Variants in LRP1B observed in about 807,000 individuals in gnomAD.
The protein encoded by LRP1B is low-density lipoprotein receptor-related protein 1B.
In LRP1B, 217 loss-of-function variants were observed where a neutral mutation model predicts 556.6. The ratio of observed to expected loss-of-function variants is 0.39; its 90% CI spans 0.35 to 0.44. The LOEUF is 0.44. Ranked by LOEUF, LRP1B falls within the 20% of genes least tolerant of loss-of-function variation. LRP1B has a pLI of 1.00. For missense variants in LRP1B, 5,053 were observed against 5,620.8 expected (o/e 0.90, Z 3.23); for synonymous variants, 2,047 against 1,865.8 (o/e 1.10, Z -2.50).
chr2:141,306,023 T>G (rs957256950), intron 3 of LRP1B, among the ~76,000 whole-genome samples: 7 of 152,182 alleles, frequency 4.6e-5, no homozygotes, highest in African/African-American at 1.7e-4. Flanking sequence ...GTGTCTATGT[T>G]TTTTAGGAAT....
chr2:141,379,296 C>T (rs1415219566), intron 3 of LRP1B, among the ~76,000 whole-genome samples: 1 of 152,120 alleles, frequency 6.6e-6, no homozygotes, highest in Non-Finnish European at 1.5e-5. Flanking sequence ...GAAATTAAAA[C>T]ATCCCAAATA....
intron 6 of LRP1B, among the ~76,000 whole-genome samples, chr2:141,194,120 C>A (rs1173134278): frequency 6.6e-6 from 1 of 151,922 alleles, no homozygotes; most frequent in Non-Finnish European, 1.5e-5. Flanking sequence ...CTTTTTCTTT[C>A]ATCGACTGTA....
intron 2 of LRP1B, among the ~76,000 whole-genome samples, chr2:141,508,938 A>T (rs1684026057): frequency 6.6e-6 from 1 of 152,102 alleles, no homozygotes; most frequent in African/African-American, 2.4e-5. Context: ...AAATGGAATC[A>T]ACTTCCCCCT....
intron 1 of LRP1B, among the ~76,000 whole-genome samples, chr2:141,932,494 A>G (rs1334798132): frequency 6.6e-6 from 1 of 152,068 alleles, no homozygotes; most frequent in Non-Finnish European, 1.5e-5. Context: ...TACATTTTTC[A>G]TCAGACCTAT....
chr2:142,088,803 G>A (rs551819529), intron 1 of LRP1B, among the ~76,000 whole-genome samples: 167 of 151,590 alleles, frequency 1.1e-3, no homozygotes, highest in African/African-American at 3.7e-3. Flanking sequence ...GTGAAACCCC[G>A]TCTCTACTAA....
At chr2:141,895,590 G>T (rs182355028) in intron 1 of LRP1B, among the ~76,000 whole-genome samples, 2 of 152,206 alleles carry the variant, frequency 1.3e-5, no homozygotes, top group Non-Finnish European at 2.9e-5. Context: ...TTAAGCAAAG[G>T]GCTCACCATT....
chr2:141,861,001 C>T (rs1470130520), intron 1 of LRP1B, among the ~76,000 whole-genome samples: 1 of 152,142 alleles, frequency 6.6e-6, no homozygotes, highest in Non-Finnish European at 1.5e-5. Context: ...GTATATTGCA[C>T]AATTCTCTCT....
intron 29 of LRP1B, among the ~76,000 whole-genome samples, chr2:140,849,200 CAAAAAAAAAAAA>C (rs70988447): frequency 9.9e-6 from 1 of 100,552 alleles, no homozygotes; most frequent in African/African-American, 4.1e-5. Flanking sequence ...ACTAAAAATA[CAAAAAAAAAAAA>C]AAAAAAAAAA....
chr2:141,806,718 A>G (rs1379594811), intron 2 of LRP1B, among the ~76,000 whole-genome samples: 1 of 152,074 alleles, frequency 6.6e-6, no homozygotes, highest in Non-Finnish European at 1.5e-5. Context: ...ATTTCTAAGT[A>G]TCTAAATTTT....
chr2:140,589,593 T>C (rs887978230), intron 43 of LRP1B, among the ~76,000 whole-genome samples: 7 of 152,164 alleles, frequency 4.6e-5, no homozygotes, highest in Non-Finnish European at 1.0e-4. Flanking sequence ...ATTCATATCA[T>C]AGATACTACT....
chr2:140,475,716 T>A (rs1687948503), intron 59 of LRP1B, among the ~76,000 whole-genome samples: 1 of 151,840 alleles, frequency 6.6e-6, no homozygotes, highest in African/African-American at 2.4e-5. Context: ...TGGTGTGTTA[T>A]CTATGAAAAA....
intron 7 of LRP1B, among the ~76,000 whole-genome samples, chr2:141,070,943 C>G (rs1467797800): frequency 1.3e-5 from 2 of 152,118 alleles, no homozygotes; most frequent in Non-Finnish European, 2.9e-5. Context: ...GAAACTGGTA[C>G]CATTCCTTCT....
chr2:141,248,774 A>G (rs1317544303), intron 4 of LRP1B, among the ~76,000 whole-genome samples: 2 of 152,130 alleles, frequency 1.3e-5, no homozygotes, highest in Non-Finnish European at 2.9e-5. Flanking sequence ...AACTAAAAAC[A>G]CTCATATGAA....
chr2:140,758,289 T>C (rs1688805684), intron 35 of LRP1B, among the ~76,000 whole-genome samples: 1 of 152,012 alleles, frequency 6.6e-6, no homozygotes, highest in Non-Finnish European at 1.5e-5. Flanking sequence ...AGAATGTAAG[T>C]AAAAGAAACA....
At chr2:140,604,359 A>G (rs372053476) in intron 41 of LRP1B, among the ~76,000 whole-genome samples, 10 of 152,086 alleles carry the variant, frequency 6.6e-5, no homozygotes, top group African/African-American at 2.2e-4. Flanking sequence ...ATCAAAAAAT[A>G]CAAGCCAGGC....
At chr2:140,317,639 C>G (rs1035045973) in intron 82 of LRP1B, among the ~76,000 whole-genome samples, 1 of 151,984 alleles carries the variant, frequency 6.6e-6, no homozygotes, top group Non-Finnish European at 1.5e-5. Context: ...TAAAATTTAC[C>G]AAAGCATTTC....
chr2:141,951,238 C>T (rs1050264151), intron 1 of LRP1B, among the ~76,000 whole-genome samples: 1 of 151,774 alleles, frequency 6.6e-6, no homozygotes, highest in African/African-American at 2.4e-5. Flanking sequence ...TTTTTGGTTA[C>T]ATAGTTAAGT....
chr2:141,182,334 T>C (rs1174945945), intron 7 of LRP1B, among the ~76,000 whole-genome samples: 1 of 151,932 alleles, frequency 6.6e-6, no homozygotes, highest in African/African-American at 2.4e-5. Context: ...TTAATACAAA[T>C]TTATAAGCCT....
At chr2:141,116,020 ATTTC>A (rs1700889803) in intron 7 of LRP1B, among the ~76,000 whole-genome samples, 1 of 152,172 alleles carries the variant, frequency 6.6e-6, no homozygotes, top group African/African-American at 2.4e-5. Context: ...CCAAAAAGCA[ATTTC>A]ATTATAAATA....
Sources: allele counts gnomAD v4.1 joint callset (sites outside exome capture counted in the v4.1 genomes callset), GRCh38; gene constraint gnomAD v4.1.1; transcripts MANE v1.5; gene names NCBI Gene and HGNC (gene_info 2026-07-23, HGNC 2026-07-21).